The following MCM3AP variants were observed in gnomAD, a reference collection of about 807,000 sequenced individuals.
MCM3AP encodes minichromosome maintenance complex component 3 associated protein, also known as germinal-center associated nuclear protein.
MCM3AP carries 126 observed loss-of-function variants against 184.1 expected under a neutral mutation model. That is an observed-to-expected ratio of 0.68 (90% CI 0.59 to 0.79). MCM3AP has a LOEUF of 0.79. MCM3AP is among the 30% of genes least tolerant of loss of function. The probability of loss-of-function intolerance (pLI) is 0.00; values close to 1 mark genes in which losing one functional copy is unlikely to be tolerated. For missense variants in MCM3AP, 2,496 were observed against 2,479.2 expected (o/e 1.01, Z -0.14); for synonymous variants, 1,002 against 979.3 (o/e 1.02, Z -0.43).
intron 5 of MCM3AP, among the ~76,000 whole-genome samples, chr21:46,277,144 G>A (rs1429322156): frequency 6.6e-6 from 1 of 152,030 alleles, no homozygotes; most frequent in African/African-American, 2.4e-5. Flanking sequence ...AGTGTTAATG[G>A]AATACTTACT....
rs564204495 is a variant in MCM3AP, at chr21:46,279,931, C to T, written c.1667+62G>A. 74 of 1,509,136 alleles carry T rather than the reference C, an allele frequency of 4.9e-5. No homozygotes were observed. The East Asian group carries it at 9.9e-4, about 20-fold the overall frequency. The allele number at this position is 1,509,136 out of a possible 1,614,324, so 93.5% of individuals were successfully genotyped here. A position where few individuals can be genotyped will look rare whatever the true frequency, so the allele number is the denominator to read the frequency against. ...CAGTCTTGCACCCTGACTCAGGTGT[C>T]GCTATAGGGCGCTATTTCCTGGTCC... On this transcript the variant is annotated intron_variant, in intron 4 of 27. Transcript: ENST00000291688.
At position 46,251,675 on chromosome 21, in the gene MCM3AP, C is replaced by T. The variant is rs750533689; in HGVS notation, c.4144G>A (p.Ala1382Thr). 2.5e-6 allele frequency: 4 copies of T among 1,576,662 alleles called. No individual in the cohort carries two copies. The South Asian group carries it at 4.5e-5, about 18-fold the overall frequency. ...ATGAACTTGACTTTTAACCAATTTG[C>T]TAGAATTCTACAGATTTAAAAAAAA... ...QSPESCGRIL[A>T]NWLKVKFMGD... The change falls in exon 20 of 28, where the codon GCA becomes ACA. Residue 1382 changes from alanine to threonine, a missense_variant. By Grantham distance (58) the Ala-to-Thr change is moderately conservative (BLOSUM62 0). Around this residue, in one of 5 missense-constraint regions of MCM3AP, gnomAD observed 1,323 missense variants for 1,273.4 expected, o/e 1.04. Coordinates refer to ENST00000291688, the MANE Select transcript of MCM3AP (RefSeq NM_003906.5).
At chr21:46,265,818 C>A in intron 11 of MCM3AP, 107 bp downstream of exon 11, 1 of 1,375,234 alleles carries the variant, frequency 7.3e-7, no homozygotes. Flanking sequence ...GGTGCTCAGG[C>A]TCCTGGGAGG....
chr21:46,281,546 G>A (rs1210656267), intron 2 of MCM3AP, among the ~76,000 whole-genome samples: 1 of 152,176 alleles, frequency 6.6e-6, no homozygotes. Context: ...AGGGGGTTGG[G>A]CATGGTGGCT....
Position 46,257,075 on chromosome 21 carries a change from G to A in MCM3AP, c.3735-89C>T, listed in dbSNP as rs897965129. 7.3e-6 allele frequency: 11 copies of A among 1,502,142 alleles called. No individual in the cohort carries two copies. In the African/African-American group the frequency reaches 1.5e-4, roughly 21 times the overall value. The allele number at this position is 1,502,142 out of a possible 1,614,324, so 93.1% of individuals were successfully genotyped here. A position where few individuals can be genotyped will look rare whatever the true frequency, so the allele number is the denominator to read the frequency against. ...GCAGTCAGAACTCAGGCATGGGGAA[G>A]GAAGGACATCAAATGAGTGTGGTGA... On this transcript the variant is annotated intron_variant, in intron 16 of 27. Transcript: ENST00000291688.
At position 46,284,076 on chromosome 21, in the gene MCM3AP, TTCTC is replaced by T. The variant is rs1451902936; in HGVS notation, c.1207_1210del (p.Glu403ArgfsTer6). On this transcript the variant is annotated frameshift_variant, in exon 1 of 28. Transcript: ENST00000291688. LOFTEE classifies it high-confidence loss of function. ...ACATTTTCAGAGCTCACCTTCTTTC[TTCTC>T]TCTACTTTCAGTTTCTTCCTCTTTA... is the stretch of plus-strand genomic sequence containing the variant. 13 of 1,610,824 alleles carry T rather than the reference TTCTC, an allele frequency of 8.1e-6. No homozygotes were observed. Among genetic ancestry groups the T allele is most frequent in the Admixed American group, 1.7e-5 (1 of 59,554 alleles).
chr21:46,281,825 C>T (rs2081336950), intron 2 of MCM3AP, among the ~76,000 whole-genome samples: 1 of 151,730 alleles, frequency 6.6e-6, no homozygotes, highest in East Asian at 1.9e-4. Flanking sequence ...CGTGGTGAAA[C>T]CCCCTCTCCA....
chr21:46,265,203 C>G, intron 12 of MCM3AP, 118 bp downstream of exon 12: 1 of 888,284 alleles, frequency 1.1e-6, no homozygotes, highest in Non-Finnish European at 1.7e-6. Flanking sequence ...GGCAGGACCC[C>G]TCTCTGGACT....
Position 46,245,132 on chromosome 21 carries a change from A to AC in MCM3AP, c.4712_4713insG (p.Leu1572SerfsTer12). ...TCCCGTCTTCGACGTACTGAATGAG[A>AC]GTCTGGCAGCAGAGGTCAAGGGAAT... On this transcript the variant is annotated frameshift_variant, in exon 23 of 28. Transcript: ENST00000291688. LOFTEE classifies it high-confidence loss of function. 6.2e-7 allele frequency: 1 copy of AC among 1,614,206 alleles called. No individual in the cohort carries two copies. Among genetic ancestry groups the AC allele is most frequent in the Non-Finnish European group, 8.5e-7 (1 of 1,180,020 alleles).
chr21:46,260,681 TAGAC>T, intron 15 of MCM3AP, 108 bp downstream of exon 15: 1 of 722,254 alleles, frequency 1.4e-6, no homozygotes, highest in Non-Finnish European at 2.4e-6. Flanking sequence ...CAAAGTAGCT[TAGAC>T]AGGCAAGATC....
rs773411331 is a variant in MCM3AP, at chr21:46,284,890, C to T, written c.397G>A (p.Glu133Lys). Residue 133 changes from glutamate (E) to lysine (K), a missense_variant, in exon 1 of 28, where the codon GAA (glutamate) becomes AAA (lysine). Transcript: ENST00000291688. ...TTCCCAAAACCAGAGTTCACTATTT[C>T]TCCAGCTTCTTGTCCAAAAGCAGAA... ...STSAFGQEAG[E>K]IVNSGFGKTE... 6.2e-7 allele frequency: 1 copy of T among 1,614,110 alleles called. No homozygotes were observed. The highest frequency in any genetic ancestry group is 1.1e-5 in the South Asian group (1 of 91,096).
chr21:46,277,832 AACT>A (rs980666750), intron 4 of MCM3AP, 115 bp from the exon 5 acceptor site: 3 of 549,952 alleles, frequency 5.5e-6, no homozygotes, highest in Non-Finnish European at 9.4e-6. Flanking sequence ...AAAGCTGAGA[AACT>A]ACAAGCACTG....
rs765745595 is a variant in MCM3AP at position 46,284,908 on chromosome 21, A to G, written c.379T>C (p.Phe127Leu). The G allele has an allele frequency of 6.2e-7, 1 of 1,614,180 alleles. No individual in the cohort carries two copies. Among genetic ancestry groups the G allele is most frequent in the South Asian group, 1.1e-5 (1 of 91,088 alleles). Residue 127 changes from phenylalanine (F) to leucine (L), a missense_variant, in exon 1 of 28, where the codon TTT becomes CTT. Coordinates refer to ENST00000291688, the MANE Select transcript of MCM3AP (RefSeq NM_003906.5). ...ACTATTTCTCCAGCTTCTTGTCCAA[A>G]AGCAGAAGTGCTTGGGAAAGCCCCA... ...SVGAFPSTSA[F>L]GQEAGEIVNS... is the part of the protein sequence containing the mutation.
chr21:46,279,837 G>C (rs573983775), intron 4 of MCM3AP, among the ~76,000 whole-genome samples, 156 bp downstream of exon 4: 1 of 152,208 alleles, frequency 6.6e-6, no homozygotes, highest in Admixed American at 6.5e-5. Flanking sequence ...TGGCAGGAGG[G>C]GCAGAGCCCC....
In MCM3AP at chr21:46,284,248, T is replaced by C; in HGVS notation, c.1039A>G (p.Lys347Glu). The C allele has an allele frequency of 6.2e-7, 1 of 1,614,234 alleles. No homozygotes were observed. Among genetic ancestry groups the C allele is most frequent in the Non-Finnish European group, 8.5e-7 (1 of 1,180,044 alleles). ...LFGRTIQDVF[K>E]SNKEVGRLGN... ...AGACGACCTACTTCCTTATTGCTTT[T>C]GAAAACATCCTGTATCGTCCGACCA... Residue 347 changes from lysine (K) to glutamate (E), a missense_variant, in exon 1 of 28, where the codon AAA becomes GAA. Lys to Glu is a moderately conservative substitution (Grantham distance 56). Around this residue, in one of 5 missense-constraint regions of MCM3AP, gnomAD observed 800 missense variants for 717.1 expected, o/e 1.12. Coordinates refer to ENST00000291688, the MANE Select transcript of MCM3AP (RefSeq NM_003906.5).
Position 46,251,653 on chromosome 21 carries a change from A to C in MCM3AP, c.4166T>G (p.Phe1389Cys), listed in dbSNP as rs1285962586. 1 of 1,600,480 alleles carries C rather than the reference A, an allele frequency of 6.2e-7. No individual in the cohort carries two copies. Among genetic ancestry groups the C allele is most frequent in the South Asian group, 1.1e-5 (1 of 90,448 alleles). Residue 1389 changes from phenylalanine (F) to cysteine (C), a missense_variant, in exon 20 of 28, where the codon TTC becomes TGC. This residue lies in a region of MCM3AP where 1,323 missense variants were observed against 1,273.4 expected (regional missense o/e 1.04). Transcript: ENST00000291688. ...ATCCACTGAGCCTTCATCTCCCATG[A>C]ACTTGACTTTTAACCAATTTGCTAG... ...RILANWLKVK[F>C]MGDEGSVDDT...
chr21:46,267,061 C>T lies in MCM3AP; in HGVS notation c.2710G>A (p.Val904Met). The change falls in exon 10 of 28, where the codon GTG (valine) becomes ATG (methionine). Residue 904 changes from valine to methionine, a missense_variant. By Grantham distance (21) the Val-to-Met change is conservative. Transcript: ENST00000291688. ...TCTCTGAACAGCAGCATGCGCACCACACCATCCAGGGGAAAGATGGTAGAT... is the reference window on the plus strand; with the variant it reads ...TCTCTGAACAGCAGCATGCGCACCATACCATCCAGGGGAAAGATGGTAGAT... ...QRSTIFPLDG[V>M]VRMLLFRDCE... 3 of 1,614,172 alleles carry T rather than the reference C, an allele frequency of 1.9e-6. No homozygotes were observed. The highest frequency in any genetic ancestry group is 2.5e-6 in the Non-Finnish European group (3 of 1,179,986).
At chr21:46,235,452 C>A (rs771749901) in intron 27 of MCM3AP, 26 bp from the exon 28 acceptor site, 6 of 1,610,412 alleles carry the variant, frequency 3.7e-6, no homozygotes, top group Non-Finnish European at 5.1e-6. Flanking sequence ...AGAAACTGAA[C>A]AGTTTTGGGA....
intron 2 of MCM3AP, 28 bp downstream of exon 2, chr21:46,283,587 T>C (rs2081360000): frequency 6.7e-7 from 1 of 1,498,888 alleles, no homozygotes; most frequent in Non-Finnish European, 9.3e-7. Flanking sequence ...AAATCTAGGG[T>C]AACAAATGGC....
Sources: allele counts gnomAD v4.1 joint callset (sites outside exome capture counted in the v4.1 genomes callset), GRCh38; gene constraint gnomAD v4.1.1; regional missense constraint gnomAD v4.1.1; transcripts MANE v1.5; gene names NCBI Gene and HGNC (gene_info 2026-07-23, HGNC 2026-07-21).